The following PRMT9 variants were observed in gnomAD, a reference collection of about 807,000 sequenced individuals.
The protein encoded by PRMT9 is protein arginine methyltransferase 9.
Under a neutral mutation model 83.2 loss-of-function variants are expected in PRMT9, and 59 were observed. The observed-to-expected ratio is 0.71, with a 90% CI of 0.57 to 0.88. The LOEUF (loss-of-function observed/expected upper bound fraction) is 0.88. Ranked by LOEUF, PRMT9 falls within the 40% of genes least tolerant of loss-of-function variation. The pLI, the probability that PRMT9 is intolerant of heterozygous loss-of-function variation, is 0.00. For missense variants in PRMT9, 947 were observed against 1,021.9 expected (o/e 0.93, Z 1.00); for synonymous variants, 333 against 353.2 (o/e 0.94, Z 0.64).
chr4:147,647,406 T>A (rs751483517), intron 9 of PRMT9, among the ~76,000 whole-genome samples: 10 of 152,154 alleles, frequency 6.6e-5, no homozygotes, highest in Non-Finnish European at 1.3e-4. Context: ...CAGTATCCAT[T>A]CCCTAGCCAC....
At position 147,638,213 on chromosome 4, in the gene PRMT9, CA is replaced by C; in HGVS notation, c.*318del. On this transcript the variant is annotated 3_prime_UTR_variant, in exon 12 of 12. Transcript: ENST00000322396. ...TTAAGAAAAAAGGCCAAGATGCCTACAAAAGTAAAGTTTTGCTTTACTTACA... is the reference window on the plus strand; with the variant it reads ...TTAAGAAAAAAGGCCAAGATGCCTACAAAGTAAAGTTTTGCTTTACTTACA... The C allele has an allele frequency of 3.3e-6, 1 of 304,946 alleles. No individual in the cohort carries two copies. 18.9% of individuals were successfully genotyped at this position (304,946 alleles called of 1,614,324 possible).
intron 1 of PRMT9, 146 bp from the exon 2 acceptor site, chr4:147,680,617 T>C (rs566628178): frequency 2.9e-6 from 2 of 689,336 alleles, no homozygotes; most frequent in South Asian, 3.7e-5. Flanking sequence ...TAGGCACTGT[T>C]TTCTGAACAA....
chr4:147,649,748 G>T (rs148183347), intron 9 of PRMT9, among the ~76,000 whole-genome samples: 2 of 152,012 alleles, frequency 1.3e-5, no homozygotes, highest in African/African-American at 4.8e-5. Context: ...CAGGTGATCC[G>T]CCCGCCTTGG....
intron 2 of PRMT9, among the ~76,000 whole-genome samples, chr4:147,674,079 T>TA (rs1735913408): frequency 6.6e-6 from 1 of 152,176 alleles, no homozygotes; most frequent in Non-Finnish European, 1.5e-5. Context: ...TACATTTATA[T>TA]ATTCCGGGAG....
intron 3 of PRMT9, 80 bp from the exon 4 acceptor site, chr4:147,673,206 A>G: frequency 7.6e-7 from 1 of 1,314,058 alleles, no homozygotes; most frequent in South Asian, 1.2e-5. Context: ...ATGATGCTAA[A>G]ATGTGGGGTT....
At chr4:147,678,913 T>C (rs1471808049) in intron 2 of PRMT9, among the ~76,000 whole-genome samples, 1 of 152,232 alleles carries the variant, frequency 6.6e-6, no homozygotes, top group African/African-American at 2.4e-5. Context: ...AAATTTTGCT[T>C]TGTATCCATT....
intron 6 of PRMT9, among the ~76,000 whole-genome samples, chr4:147,667,992 C>CAA (rs1560992545): frequency 5.8e-5 from 1 of 17,106 alleles, no homozygotes; most frequent in Non-Finnish European, 2.6e-4. Context: ...TTAAAATAGG[C>CAA]AAAAAAAAAA....
intron 9 of PRMT9, among the ~76,000 whole-genome samples, chr4:147,652,924 C>T (rs1167412198): frequency 6.6e-6 from 1 of 151,986 alleles, no homozygotes; most frequent in Non-Finnish European, 1.5e-5. Flanking sequence ...AAAGGGAACA[C>T]TATAATGTAC....
intron 9 of PRMT9, among the ~76,000 whole-genome samples, chr4:147,643,217 A>G (rs1341125746): frequency 1.3e-5 from 2 of 152,150 alleles, no homozygotes; most frequent in Admixed American, 1.3e-4. Context: ...CAGTGAACCA[A>G]CATCCCGCCA....
At chr4:147,682,970 C>T (rs1236028747) in intron 1 of PRMT9, among the ~76,000 whole-genome samples, 2 of 152,114 alleles carry the variant, frequency 1.3e-5, no homozygotes, top group Non-Finnish European at 2.9e-5. Flanking sequence ...GTTGACAAAC[C>T]CTCAGTCTAA....
intron 9 of PRMT9, 49 bp from the exon 10 acceptor site, chr4:147,642,989 G>A: frequency 8.3e-6 from 13 of 1,564,250 alleles, no homozygotes; most frequent in Non-Finnish European, 1.1e-5. Flanking sequence ...CAGGGCGACA[G>A]TGGCTCACGC....
intron 4 of PRMT9, among the ~76,000 whole-genome samples, 167 bp from the exon 5 acceptor site, chr4:147,670,910 T>C (rs964811040): frequency 5.3e-5 from 8 of 152,198 alleles, no homozygotes; most frequent in Admixed American, 3.3e-4. Context: ...TGAGGAACTT[T>C]ACTCGAATGT....
intron 9 of PRMT9, among the ~76,000 whole-genome samples, chr4:147,652,685 G>A (rs1578890788): frequency 3.3e-5 from 3 of 91,544 alleles, no homozygotes; most frequent in South Asian, 3.9e-4. Context: ...CATCCCACCA[G>A]ACCCCATTCT....
chr4:147,682,655 G>A (rs145942541), intron 1 of PRMT9, among the ~76,000 whole-genome samples: 5 of 152,328 alleles, frequency 3.3e-5, no homozygotes, highest in African/African-American at 1.2e-4. Context: ...GAGAGGCTGC[G>A]TCCCTGTTTC....
At chr4:147,649,186 G>A (rs1446174664) in intron 9 of PRMT9, among the ~76,000 whole-genome samples, 2 of 151,588 alleles carry the variant, frequency 1.3e-5, no homozygotes, top group African/African-American at 4.9e-5. Flanking sequence ...AGAGAGAGAA[G>A]AGGGAGAGAG....
chr4:147,675,819 C>T lies in PRMT9; in HGVS notation c.339-1945G>A, dbSNP rs531759244. Among the ~76,000 whole-genome samples the T allele has an allele frequency of 2.0e-5, 3 of 152,290 alleles. No individual in the cohort carries two copies. In the East Asian group the frequency reaches 5.8e-4, roughly 29 times the overall value. Reference sequence around the variant, plus strand: ...ATCTTCTTGATTAGCAATTTAAATACATTTTGTTTAAATCTGATGCTACTG... The same window carrying T: ...ATCTTCTTGATTAGCAATTTAAATATATTTTGTTTAAATCTGATGCTACTG... On this transcript the variant is annotated intron_variant, in intron 2 of 11. Transcript: ENST00000322396.
At position 147,671,747 on chromosome 4, in the gene PRMT9, T is replaced by C. The variant is rs180998037; in HGVS notation, c.744-1004A>G. On this transcript the variant is annotated intron_variant, in intron 4 of 11. Coordinates refer to ENST00000322396, the MANE Select transcript of PRMT9 (RefSeq NM_138364.4). ...TAATAATAGTCTAATCTGGAATCCA[T>C]AGCTCCTGGTTCAAAACCAATAGAT... 1.2e-4 allele frequency: 53 copies of C among 425,430 alleles called. No homozygotes were observed. In the East Asian group the frequency reaches 3.2e-3, roughly 25 times the overall value. 26.4% of individuals were successfully genotyped at this position (425,430 alleles called of 1,614,324 possible).
At chr4:147,644,560 AG>A (rs1309553936) in intron 9 of PRMT9, among the ~76,000 whole-genome samples, 4 of 150,662 alleles carry the variant, frequency 2.7e-5, no homozygotes, top group Non-Finnish European at 5.9e-5. Context: ...AAAAAAAAAA[AG>A]AATGCCTCTT....
At chr4:147,669,521 A>G (rs550258386) in intron 5 of PRMT9, among the ~76,000 whole-genome samples, 1 of 152,120 alleles carries the variant, frequency 6.6e-6, no homozygotes, top group East Asian at 1.9e-4. Context: ...AGACTTGGGT[A>G]TGACTTTGAT....
Sources: gnomAD v4.1 joint callset for allele counts (sites outside exome capture counted in the v4.1 genomes callset) on GRCh38, gnomAD v4.1.1 for gene constraint, MANE v1.5 for transcripts, NCBI Gene and HGNC (gene_info 2026-07-23, HGNC 2026-07-21) for gene names.